CDH4: variants seen among roughly 807,000 people sequenced by gnomAD.
CDH4 encodes cadherin-4.
In CDH4, 33 loss-of-function variants were observed where a neutral mutation model predicts 86.0. The ratio of observed to expected loss-of-function variants is 0.38; its 90% CI spans 0.29 to 0.51. The LOEUF is 0.51. Among genes scored for constraint, CDH4 ranks in the 20% least tolerant of loss-of-function variants. The pLI, the probability that CDH4 is intolerant of heterozygous loss-of-function variation, is 0.86. For synonymous variants in CDH4, 555 were observed against 549.4 expected (o/e 1.01, Z -0.14); for missense variants, 1,114 against 1,307.4 (o/e 0.85, Z 2.28).
intron 6 of CDH4, among the ~76,000 whole-genome samples, chr20:61,869,486 T>C (rs1318347254): frequency 6.6e-6 from 1 of 152,208 alleles, no homozygotes; most frequent in African/African-American, 2.4e-5. Context: ...CTGCTTTCAG[T>C]CTGGGTCTAG....
chr20:61,583,398 T>C (rs1466126698), intron 2 of CDH4, among the ~76,000 whole-genome samples: 1 of 151,952 alleles, frequency 6.6e-6, no homozygotes. Flanking sequence ...TGCCTGTCCC[T>C]GTGCAGAGAG....
At chr20:61,687,657 T>A (rs1410936932) in intron 2 of CDH4, among the ~76,000 whole-genome samples, 4 of 152,244 alleles carry the variant, frequency 2.6e-5, no homozygotes, top group Non-Finnish European at 5.9e-5. Flanking sequence ...GTAAGTTTTT[T>A]AAATTCCCAA....
At chr20:61,697,370 C>T (rs6061749) in intron 2 of CDH4, among the ~76,000 whole-genome samples, 2,418 of 152,138 alleles carry the variant, frequency 0.016, 70 homozygotes, top group African/African-American at 0.051. Context: ...GAGGCTGAGG[C>T]GGGTGGATCA....
chr20:61,665,572 C>A (rs1170220964), intron 2 of CDH4, among the ~76,000 whole-genome samples: 1 of 152,142 alleles, frequency 6.6e-6, no homozygotes, highest in African/African-American at 2.4e-5. Flanking sequence ...GTGATAAATT[C>A]CCCCCATGAA....
intron 8 of CDH4, among the ~76,000 whole-genome samples, chr20:61,899,357 A>G (rs1254815434): frequency 6.6e-6 from 1 of 151,956 alleles, no homozygotes; most frequent in Non-Finnish European, 1.5e-5. Context: ...GATAAGACAT[A>G]TTTTGTTTTT....
intron 2 of CDH4, among the ~76,000 whole-genome samples, chr20:61,383,143 AATATATATGAATATATT>A (rs1332953006): frequency 4.1e-5 from 4 of 96,744 alleles, no homozygotes; most frequent in Non-Finnish European, 6.1e-5. Context: ...TATATATATG[AATATATATGAATATATT>A]ATATATATGA....
At chr20:61,860,921 C>T (rs1342304895) in intron 6 of CDH4, among the ~76,000 whole-genome samples, 2 of 152,166 alleles carry the variant, frequency 1.3e-5, no homozygotes, top group Non-Finnish European at 2.9e-5. Flanking sequence ...GAGAAGTACC[C>T]GGGGGACCCT....
Position 61,829,948 on chromosome 20 carries a change from C to T in CDH4, c.577-14720C>T, listed in dbSNP as rs1315437320. On this transcript the variant is annotated intron_variant, in intron 4 of 15. Coordinates refer to ENST00000614565, the MANE Select transcript of CDH4 (RefSeq NM_001794.5). The surrounding 1 kb of genome is among the most constrained non-coding windows in gnomAD (Gnocchi z 4.2). Reference sequence around the variant, plus strand: ...GGCTGGGAGGCAGGTGTGGGAAGTGCAGGTGGGTGGTTTGGTGTGTTTGGC... The same window carrying T: ...GGCTGGGAGGCAGGTGTGGGAAGTGTAGGTGGGTGGTTTGGTGTGTTTGGC... Among the ~76,000 whole-genome samples, 3 of 152,056 alleles carry T rather than the reference C, an allele frequency of 2.0e-5. No homozygotes were observed. The highest frequency in any genetic ancestry group is 7.2e-5 in the African/African-American group (3 of 41,396).
intron 2 of CDH4, among the ~76,000 whole-genome samples, chr20:61,412,676 G>A (rs758828465): frequency 4.6e-5 from 7 of 152,174 alleles, no homozygotes; most frequent in South Asian, 2.1e-4. Flanking sequence ...CCTTCTCCAC[G>A]TGGTGGTCTC....
At chr20:61,261,516 C>T (rs951416766) in intron 2 of CDH4, among the ~76,000 whole-genome samples, 2 of 152,170 alleles carry the variant, frequency 1.3e-5, no homozygotes, top group African/African-American at 4.8e-5. Context: ...TTCACAAAAG[C>T]CCTTCCAGGG....
intron 2 of CDH4, among the ~76,000 whole-genome samples, chr20:61,629,666 A>G (rs951580068): frequency 1.3e-5 from 2 of 152,212 alleles, no homozygotes; most frequent in African/African-American, 4.8e-5. Flanking sequence ...CAGCCTTAAC[A>G]GAGGTGGCCA....
chr20:61,674,936 G>A (rs2087430035), intron 2 of CDH4, among the ~76,000 whole-genome samples: 1 of 152,214 alleles, frequency 6.6e-6, no homozygotes, highest in Non-Finnish European at 1.5e-5. Flanking sequence ...TATTGTCTGT[G>A]GCTGCCTTTG....
rs1454977360 is a variant in CDH4 at position 61,330,239 on chromosome 20, T to TTCTGGTTCTAGATCTTTGAGGAA, written c.169+75328_169+75350dup. On this transcript the variant is annotated intron_variant, in intron 2 of 15. Transcript: ENST00000614565. ...TGCTGGGTCAAATGGTTCTAGATCTTTCTGGTTCTAGATCTTTGAGGAATC... is the reference window on the plus strand; with the variant it reads ...TGCTGGGTCAAATGGTTCTAGATCTTTCTGGTTCTAGATCTTTGAGGAATCTGGTTCTAGATCTTTGAGGAATC... Among the ~76,000 whole-genome samples the TTCTGGTTCTAGATCTTTGAGGAA allele has an allele frequency of 5.3e-5, 8 of 152,296 alleles. No homozygotes were observed. The South Asian group carries it at 1.2e-3, about 24-fold the overall frequency.
chr20:61,790,582 CCATT>C (rs1979128184), intron 4 of CDH4, among the ~76,000 whole-genome samples: 2 of 150,810 alleles, frequency 1.3e-5, no homozygotes, highest in African/African-American at 2.4e-5. Context: ...ATCTGTCTAA[CCATT>C]CATTCATCCA....
At position 61,517,182 on chromosome 20, in the gene CDH4, C is replaced by A. The variant is rs568140447; in HGVS notation, c.170-226381C>A. Among the ~76,000 whole-genome samples, 3 of 152,142 alleles carry A rather than the reference C, an allele frequency of 2.0e-5. No homozygotes were observed. The highest frequency in any genetic ancestry group is 4.4e-5 in the Non-Finnish European group (3 of 68,024). The stretch of plus-strand genomic sequence containing the variant: ...CTAGATGTTGCCTGACTTTGAACTT[C>A]GGGTAAATGGAATCCCTTTTTGTTT... On this transcript the variant is annotated intron_variant, in intron 2 of 15. Coordinates refer to ENST00000614565, the MANE Select transcript of CDH4 (RefSeq NM_001794.5). This position sits in a 1 kb window ranked among gnomAD's most constrained non-coding sequence, Gnocchi z 6.6.
At chr20:61,820,241 G>C (rs1251727059) in intron 4 of CDH4, among the ~76,000 whole-genome samples, 1 of 151,740 alleles carries the variant, frequency 6.6e-6, no homozygotes, top group Non-Finnish European at 1.5e-5. Flanking sequence ...TGAGAACTTG[G>C]CATCCCCAAG....
chr20:61,886,103 G>A (rs1263585728), intron 7 of CDH4, among the ~76,000 whole-genome samples: 1 of 152,218 alleles, frequency 6.6e-6, no homozygotes, highest in East Asian at 1.9e-4. Flanking sequence ...GCCTCTAGGT[G>A]CAGAGAGCCC....
intron 2 of CDH4, among the ~76,000 whole-genome samples, chr20:61,646,584 G>C (rs765051665): frequency 6.6e-6 from 1 of 152,188 alleles, no homozygotes; most frequent in Non-Finnish European, 1.5e-5. Context: ...GGGGATCCCT[G>C]GGGGGACGAA....
chr20:61,671,636 AGTGGATAGATGG>A (rs2087388504), intron 2 of CDH4, among the ~76,000 whole-genome samples: 1 of 149,014 alleles, frequency 6.7e-6, no homozygotes, highest in Non-Finnish European at 1.5e-5. Context: ...TGTGTAGATG[AGTGGATAGATGG>A]GTGAATGGAT....
Sources: gnomAD v4.1 joint callset for allele counts (sites outside exome capture counted in the v4.1 genomes callset) on GRCh38, gnomAD v4.1.1 for gene constraint, Gnocchi (gnomAD v3.1) non-coding constraint, MANE v1.5 for transcripts, NCBI Gene and HGNC (gene_info 2026-07-23, HGNC 2026-07-21) for gene names.